UBE2Z: variants seen among roughly 807,000 people sequenced by gnomAD.
UBE2Z encodes the protein ubiquitin-conjugating enzyme E2 Z.
A neutral mutation model predicts 32.6 loss-of-function variants in UBE2Z; 10 were observed. The observed-to-expected ratio is 0.31, with a 90% CI of 0.19 to 0.52. UBE2Z has a LOEUF of 0.52. Among genes scored for constraint, UBE2Z ranks in the 20% least tolerant of loss-of-function variants. UBE2Z has a pLI of 0.97. For missense variants in UBE2Z, 343 were observed against 480.9 expected, an observed-to-expected ratio of 0.71 and a Z score of 2.68; for synonymous variants, 183 against 190.8, an observed-to-expected ratio of 0.96 and a Z score of 0.34.
intron 4 of UBE2Z, 86 bp downstream of exon 4, chr17:48,916,273 T>TTTTTTTTG: frequency 1.6e-6 from 1 of 608,838 alleles, no homozygotes; most frequent in Non-Finnish European, 2.5e-6. Flanking sequence ...TTTTTTTTTT[T>TTTTTTTTG]GAGACAGAGT....
Position 48,926,989 on chromosome 17 carries a change from A to G in UBE2Z, c.920A>G (p.His307Arg). 6.2e-7 allele frequency: 1 copy of G among 1,613,226 alleles called. No individual in the cohort carries two copies. Among genetic ancestry groups the G allele is most frequent in the Non-Finnish European group, 8.5e-7 (1 of 1,179,704 alleles). Residue 307 changes from histidine (H) to arginine (R), a missense_variant, in exon 7 of 7, where the codon CAC becomes CGC. Around this residue, in one of 4 missense-constraint regions of UBE2Z, gnomAD observed 182 missense variants for 312.4 expected, o/e 0.58. Transcript: ENST00000360943. ...MQDPFGEKRG[H>R]FDYQSLLMRL... ...GACCCTTTTGGAGAGAAGCGGGGCCACTTTGACTACCAGTCCCTCTTGATG... is the reference window on the plus strand; with the variant it reads ...GACCCTTTTGGAGAGAAGCGGGGCCGCTTTGACTACCAGTCCCTCTTGATG...
chr17:48,914,320 A>G (rs1358930423), intron 3 of UBE2Z, among the ~76,000 whole-genome samples: 1 of 152,312 alleles, frequency 6.6e-6, no homozygotes, highest in South Asian at 2.1e-4. Flanking sequence ...GCTATCCAAC[A>G]TGTTTCCAGG....
intron 3 of UBE2Z, 147 bp downstream of exon 3, chr17:48,913,168 G>A: frequency 1.3e-6 from 1 of 791,244 alleles, no homozygotes; most frequent in Admixed American, 2.8e-5. Flanking sequence ...GATGGTATGT[G>A]ACTAGTATCA....
chr17:48,927,595 C>T lies in UBE2Z; in HGVS notation c.*461C>T, dbSNP rs2040806653. On this transcript the variant is annotated 3_prime_UTR_variant, in exon 7 of 7. Transcript: ENST00000360943. ...TCTGGGTGGTTGTCTATTTGTCTGT[C>T]TTCAGTCTTGAAGCAGGGCTTCCCA... 6.2e-6 allele frequency: 1 copy of T among 161,844 alleles called. No individual in the cohort carries two copies. The highest frequency in any genetic ancestry group is 2.4e-5 in the African/African-American group (1 of 41,700). 10.0% of individuals were successfully genotyped at this position (161,844 alleles called of 1,614,324 possible).
At chr17:48,924,793 C>A (rs2040786155) in intron 6 of UBE2Z, among the ~76,000 whole-genome samples, 1 of 132,216 alleles carries the variant, frequency 7.6e-6, no homozygotes, top group Admixed American at 9.0e-5. Context: ...TTGCAGTAAA[C>A]TGAGATTGCA....
Position 48,928,489 on chromosome 17 carries a change from C to CA in UBE2Z, c.*1356dup, listed in dbSNP as rs1345542592. ...GATTCTTGTGATGCAGGGCCTCAGT[C>CA]AGTGTCCAGCCATGCATAAGGGAGA... On this transcript the variant is annotated 3_prime_UTR_variant, in exon 7 of 7. Coordinates refer to ENST00000360943, the MANE Select transcript of UBE2Z (RefSeq NM_023079.5). The CA allele has an allele frequency of 1.3e-5, 2 of 152,658 alleles. No individual in the cohort carries two copies. The highest frequency in any genetic ancestry group is 4.8e-5 in the African/African-American group (2 of 41,432). The allele number at this position is 152,658 out of a possible 1,614,324, so 9.5% of individuals were successfully genotyped here. A position where few individuals can be genotyped will look rare whatever the true frequency, so the allele number is the denominator to read the frequency against.
chr17:48,911,517 CTGA>C (rs2040677137), intron 2 of UBE2Z: 1 of 152,232 alleles, frequency 6.6e-6, no homozygotes, highest in Non-Finnish European at 1.5e-5. Flanking sequence ...TGCACTTAAA[CTGA>C]TGTTAGAAAG....
At chr17:48,921,618 G>GTTATTTATT (rs2040759077) in intron 5 of UBE2Z, among the ~76,000 whole-genome samples, 1 of 152,202 alleles carries the variant, frequency 6.6e-6, no homozygotes, top group African/African-American at 2.4e-5. Context: ...AACTGGATGA[G>GTTATTTATT]CAACGTCAGG....
chr17:48,926,982 CG>C lies in UBE2Z; in HGVS notation c.917del (p.Gly306AlafsTer9). 6.2e-7 allele frequency: 1 copy of C among 1,612,902 alleles called. No individual in the cohort carries two copies. The highest frequency in any genetic ancestry group is 8.5e-7 in the Non-Finnish European group (1 of 1,179,594). On this transcript the variant is annotated frameshift_variant, in exon 7 of 7. Coordinates refer to ENST00000360943, the MANE Select transcript of UBE2Z (RefSeq NM_023079.5). LOFTEE classifies it high-confidence loss of function. ...CCCACAGGACCCTTTTGGAGAGAAG[CG>C]GGGCCACTTTGACTACCAGTCCCTC... is the stretch of plus-strand genomic sequence containing the variant. ...QTMQDPFGEK[R>X]GHFDYQSLLM...
chr17:48,908,902 A>G lies in UBE2Z; in HGVS notation c.317+82A>G. 3.8e-6 allele frequency: 3 copies of G among 786,694 alleles called. No homozygotes were observed. In the South Asian group the frequency reaches 8.1e-5, roughly 21 times the overall value. The allele number at this position is 786,694 out of a possible 1,614,324, so 48.7% of individuals were successfully genotyped here. A position where few individuals can be genotyped will look rare whatever the true frequency, so the allele number is the denominator to read the frequency against. On this transcript the variant is annotated intron_variant, in intron 1 of 6. Coordinates refer to ENST00000360943, the MANE Select transcript of UBE2Z (RefSeq NM_023079.5). ...CCCCCACCCTCTCCCACTACAACTC[A>G]CCCCCCACCCACTGCGCTGCCCTCG...
At chr17:48,916,251 T>TTTTTTTG (rs1378266768) in intron 4 of UBE2Z, 64 bp downstream of exon 4, 12 of 755,688 alleles carry the variant, frequency 1.6e-5, no homozygotes, top group African/African-American at 5.4e-5. Flanking sequence ...GGTTGGTTGG[T>TTTTTTTG]TTTTTTGTTT....
chr17:48,913,782 A>G (rs965600499), intron 3 of UBE2Z, among the ~76,000 whole-genome samples: 1 of 152,222 alleles, frequency 6.6e-6, no homozygotes, highest in Non-Finnish European at 1.5e-5. Context: ...GGTCTGTGCC[A>G]TTCAAGATTT....
At chr17:48,917,942 T>A (rs55929017) in intron 4 of UBE2Z, among the ~76,000 whole-genome samples, 19,170 of 152,062 alleles carry the variant, frequency 0.13, 1,495 homozygotes, top group Non-Finnish European at 0.18. Context: ...TTAATTAATT[T>A]ATTTATTTTT....
chr17:48,908,840 C>T lies in UBE2Z; in HGVS notation c.317+20C>T. 1 of 1,472,042 alleles carries T rather than the reference C, an allele frequency of 6.8e-7. No homozygotes were observed. The highest frequency in any genetic ancestry group is 1.5e-5 in the African/African-American group (1 of 68,504). 91.2% of individuals were successfully genotyped at this position (1,472,042 alleles called of 1,614,324 possible). A position where few individuals can be genotyped will look rare whatever the true frequency, so the allele number is the denominator to read the frequency against. On this transcript the variant is annotated intron_variant, in intron 1 of 6. Coordinates refer to ENST00000360943, the MANE Select transcript of UBE2Z (RefSeq NM_023079.5). ...CAAGCGGTGAGCCGGGGTTTTTCCT[C>T]CCCCAGCCCCGAGCTCCGGGGCTCG...
At chr17:48,925,792 C>G (rs1475874659) in intron 6 of UBE2Z, among the ~76,000 whole-genome samples, 2 of 152,138 alleles carry the variant, frequency 1.3e-5, no homozygotes, top group Non-Finnish European at 2.9e-5. Flanking sequence ...GGAGTTAACT[C>G]TCATGAAGGA....
chr17:48,910,029 A>G (rs563749254), intron 1 of UBE2Z, among the ~76,000 whole-genome samples: 7 of 152,102 alleles, frequency 4.6e-5, no homozygotes, highest in African/African-American at 9.7e-5. Context: ...AGTTTGGCCA[A>G]TGCTTTCCTC....
intron 5 of UBE2Z, among the ~76,000 whole-genome samples, chr17:48,921,513 G>A (rs1218501562): frequency 1.3e-5 from 2 of 152,204 alleles, no homozygotes; most frequent in Non-Finnish European, 2.9e-5. Flanking sequence ...CTTCCAGTTT[G>A]ATGAAGGCTT....
chr17:48,921,414 T>C, intron 5 of UBE2Z, 142 bp downstream of exon 5: 1 of 679,788 alleles, frequency 1.5e-6, no homozygotes, highest in Non-Finnish European at 2.5e-6. Flanking sequence ...AACAAGTGGC[T>C]GAGGGTTACC....
At position 48,927,218 on chromosome 17, in the gene UBE2Z, T is replaced by C; in HGVS notation, c.*84T>C. 1 of 1,399,528 alleles carries C rather than the reference T, an allele frequency of 7.1e-7. No homozygotes were observed. The highest frequency in any genetic ancestry group is 9.8e-7 in the Non-Finnish European group (1 of 1,015,360). The allele number at this position is 1,399,528 out of a possible 1,614,324, so 86.7% of individuals were successfully genotyped here. On this transcript the variant is annotated 3_prime_UTR_variant, in exon 7 of 7. Coordinates refer to ENST00000360943, the MANE Select transcript of UBE2Z (RefSeq NM_023079.5). Reference sequence around the variant, plus strand: ...ACCCCAGGGATGGAGAGGCACTGTGTATCTCCCTCCAGACTCGAAGTCATC... The same window carrying C: ...ACCCCAGGGATGGAGAGGCACTGTGCATCTCCCTCCAGACTCGAAGTCATC...
Sources: gnomAD v4.1 joint callset for allele counts (sites outside exome capture counted in the v4.1 genomes callset) on GRCh38, gnomAD v4.1.1 for gene constraint, gnomAD v4.1.1 regional missense constraint, MANE v1.5 for transcripts, NCBI Gene and HGNC (gene_info 2026-07-23, HGNC 2026-07-21) for gene names.